The following FOXN2 variants were observed in gnomAD, a reference collection of about 807,000 sequenced individuals.
FOXN2 encodes forkhead box protein N2.
In FOXN2, 19 loss-of-function variants were observed where a neutral mutation model predicts 41.2. The observed-to-expected ratio is 0.46, with a 90% confidence interval of 0.32 to 0.68. The LOEUF is 0.68. Among genes scored for constraint, FOXN2 ranks in the 30% least tolerant of loss-of-function variants. The pLI is 0.03. For synonymous variants in FOXN2, 195 were observed against 176.8 expected (o/e 1.10, Z -0.82); for missense variants, 587 against 509.4 (o/e 1.15, Z -1.47).
chr2:48,331,547 G>T (rs1572709271), intron 2 of FOXN2, among the ~76,000 whole-genome samples: 1 of 152,252 alleles, frequency 6.6e-6, no homozygotes, highest in East Asian at 1.9e-4. Flanking sequence ...CAGGCACACT[G>T]TTTCACACCT....
intron 5 of FOXN2, 42 bp downstream of exon 5, chr2:48,362,749 CT>C (rs765890651): frequency 2.0e-6 from 3 of 1,535,318 alleles, no homozygotes; most frequent in Admixed American, 1.7e-5. Context: ...ACACAACAAT[CT>C]TTTGGTCAAC....
intron 3 of FOXN2, among the ~76,000 whole-genome samples, chr2:48,358,094 C>G (rs191713299): frequency 2.2e-4 from 33 of 152,112 alleles, no homozygotes; most frequent in African/African-American, 7.5e-4. Flanking sequence ...GTTTTATTCT[C>G]TCCTAAATTA....
chr2:48,323,046 G>C (rs1205924888), intron 1 of FOXN2, among the ~76,000 whole-genome samples: 1 of 151,864 alleles, frequency 6.6e-6, no homozygotes, highest in Non-Finnish European at 1.5e-5. Flanking sequence ...ATACATTCAA[G>C]GGTATTATGA....
chr2:48,344,053 T>C (rs1399740642), intron 2 of FOXN2, among the ~76,000 whole-genome samples: 1 of 151,978 alleles, frequency 6.6e-6, no homozygotes, highest in Non-Finnish European at 1.5e-5. Flanking sequence ...TAAAGAGTGG[T>C]TTTTTGTTTG....
intron 2 of FOXN2, among the ~76,000 whole-genome samples, chr2:48,339,595 T>C (rs1353300897): frequency 1.3e-5 from 2 of 152,174 alleles, no homozygotes; most frequent in Non-Finnish European, 2.9e-5. Context: ...AACGGACTAA[T>C]ACAGTAGTCA....
At chr2:48,329,164 G>C (rs1669869925) in intron 2 of FOXN2, among the ~76,000 whole-genome samples, 1 of 152,122 alleles carries the variant, frequency 6.6e-6, no homozygotes, top group South Asian at 2.1e-4. Context: ...CCAAGAAAGA[G>C]ACGAATGACT....
intron 3 of FOXN2, among the ~76,000 whole-genome samples, chr2:48,357,504 CTTTT>C (rs113343294): frequency 6.9e-6 from 1 of 144,290 alleles, no homozygotes; most frequent in East Asian, 2.0e-4. Context: ...TTAATTCTTC[CTTTT>C]TTTTTTTTTG....
At chr2:48,372,841 C>G (rs1015499849) in intron 5 of FOXN2, among the ~76,000 whole-genome samples, 2 of 151,246 alleles carry the variant, frequency 1.3e-5, no homozygotes, top group South Asian at 4.1e-4. Context: ...ATATTTTTAT[C>G]TCCTGTAACT....
At chr2:48,341,442 T>C (rs923064844) in intron 2 of FOXN2, among the ~76,000 whole-genome samples, 5 of 152,170 alleles carry the variant, frequency 3.3e-5, no homozygotes, top group African/African-American at 7.2e-5. Flanking sequence ...GTGAAAAATA[T>C]GCAGCTTTGT....
At chr2:48,360,010 G>A (rs1007632869) in intron 4 of FOXN2, among the ~76,000 whole-genome samples, 10 of 151,778 alleles carry the variant, frequency 6.6e-5, no homozygotes, top group Non-Finnish European at 1.2e-4. Flanking sequence ...TTAAATGTTT[G>A]GCAAATAAAA....
rs143561178 is a variant in FOXN2, at chr2:48,375,432, C to T, written c.1285C>T (p.Arg429Trp). The change falls in exon 7 of 7, where the codon CGG becomes TGG. Residue 429 changes from arginine to tryptophan, a missense_variant. By Grantham distance (101) the Arg-to-Trp change is moderately radical (BLOSUM62 -3). Coordinates refer to ENST00000340553, the MANE Select transcript of FOXN2 (RefSeq NM_002158.4). ...TGCAAAGACACAAAATCAAAAGCAA[C>T]GGAAAAAATAGAAATACTTAAAGTG... Reference protein sequence around the residue: ...STAKTQNQKQRKK With the variant: ...STAKTQNQKQWKK 1.5e-4 allele frequency: 235 copies of T among 1,601,000 alleles called. No homozygotes were observed. The highest frequency in any genetic ancestry group is 1.8e-4 in the Non-Finnish European group (217 of 1,174,034).
At chr2:48,336,418 A>ATAT (rs1553410430) in intron 2 of FOXN2, among the ~76,000 whole-genome samples, 40 of 147,366 alleles carry the variant, frequency 2.7e-4, no homozygotes, top group African/African-American at 9.9e-4. Context: ...CAAAAAAAAA[A>ATAT]ATATATATAT....
chr2:48,336,415 A>AT (rs1670356986), intron 2 of FOXN2, among the ~76,000 whole-genome samples: 3 of 137,192 alleles, frequency 2.2e-5, no homozygotes, highest in Admixed American at 7.2e-5. Flanking sequence ...TTCCAAAAAA[A>AT]AAAATATATA....
chr2:48,315,722 C>T (rs1287517463), intron 1 of FOXN2, among the ~76,000 whole-genome samples: 1 of 152,184 alleles, frequency 6.6e-6, no homozygotes, highest in Non-Finnish European at 1.5e-5. Context: ...AACTCCACCC[C>T]CTTTTGCACC....
chr2:48,316,035 C>T (rs925508799), intron 1 of FOXN2, among the ~76,000 whole-genome samples: 2 of 152,014 alleles, frequency 1.3e-5, no homozygotes, highest in African/African-American at 2.4e-5. Flanking sequence ...ACGTGGCCGG[C>T]TGAGTGTAAT....
At chr2:48,325,849 T>TC (rs924958748) in intron 1 of FOXN2, among the ~76,000 whole-genome samples, 1 of 146,192 alleles carries the variant, frequency 6.8e-6, no homozygotes, top group African/African-American at 2.6e-5. Flanking sequence ...GATTTCTTTT[T>TC]TTTTTTTTTT....
chr2:48,340,953 G>T (rs1018818877), intron 2 of FOXN2: 1 of 152,084 alleles, frequency 6.6e-6, no homozygotes, highest in Non-Finnish European at 1.5e-5. Flanking sequence ...TACTTTTTTG[G>T]ATAGCAGTGT....
chr2:48,346,951 T>C (rs1194761423), intron 3 of FOXN2, among the ~76,000 whole-genome samples, 200 bp downstream of exon 3: 3 of 152,234 alleles, frequency 2.0e-5, no homozygotes, highest in African/African-American at 7.2e-5. Flanking sequence ...GAATTATGTT[T>C]TGTCCACTAT....
chr2:48,321,973 G>T (rs901464583), intron 1 of FOXN2, among the ~76,000 whole-genome samples: 1 of 152,142 alleles, frequency 6.6e-6, no homozygotes, highest in African/African-American at 2.4e-5. Flanking sequence ...TTTTGAGATG[G>T]AGTCTTGCTT....
Sources: gnomAD v4.1 joint callset for allele counts (sites outside exome capture counted in the v4.1 genomes callset) on GRCh38, gnomAD v4.1.1 for gene constraint, MANE v1.5 for transcripts, NCBI Gene and HGNC (gene_info 2026-07-23, HGNC 2026-07-21) for gene names.